ZZZ3: variants seen among roughly 807,000 people sequenced by gnomAD.
ZZZ3 encodes the protein zinc finger ZZ-type containing 3.
A neutral mutation model predicts 95.2 loss-of-function variants in ZZZ3; 22 were observed. That is an observed-to-expected ratio of 0.23 (90% CI 0.17 to 0.33). ZZZ3 has a LOEUF of 0.33. Among genes scored for constraint, ZZZ3 ranks in the 10% least tolerant of loss-of-function variants. The probability of loss-of-function intolerance (pLI) is 1.00; values close to 1 mark genes in which losing one functional copy is unlikely to be tolerated. For missense variants in ZZZ3, 885 were observed against 1,066.5 expected, an observed-to-expected ratio of 0.83 and a Z score of 2.37; for synonymous variants, 335 against 358.9, an observed-to-expected ratio of 0.93 and a Z score of 0.75.
chr1:77,608,928 T>C (rs1233060392), intron 5 of ZZZ3, among the ~76,000 whole-genome samples: 1 of 151,640 alleles, frequency 6.6e-6, no homozygotes, highest in Non-Finnish European at 1.5e-5. Flanking sequence ...AGAAATTAAA[T>C]CACAACACCA....
chr1:77,601,534 G>C (rs964211951), intron 5 of ZZZ3, among the ~76,000 whole-genome samples: 2 of 152,102 alleles, frequency 1.3e-5, no homozygotes, highest in Non-Finnish European at 2.9e-5. Flanking sequence ...AATGCTGATA[G>C]GAACAGGGCC....
At chr1:77,642,960 T>A (rs1019091750) in intron 1 of ZZZ3, among the ~76,000 whole-genome samples, 1 of 151,972 alleles carries the variant, frequency 6.6e-6, no homozygotes, top group African/African-American at 2.4e-5. Flanking sequence ...CATAAAAAAA[T>A]TAACACTTTG....
chr1:77,571,832 A>G (rs915357082), intron 12 of ZZZ3, among the ~76,000 whole-genome samples: 1 of 152,214 alleles, frequency 6.6e-6, no homozygotes, highest in Non-Finnish European at 1.5e-5. Context: ...ATGTAAGCTG[A>G]GAGCTCTGGA....
intron 1 of ZZZ3, among the ~76,000 whole-genome samples, chr1:77,666,290 A>G (rs1671245694): frequency 6.6e-6 from 1 of 152,204 alleles, no homozygotes; most frequent in Non-Finnish European, 1.5e-5. Context: ...GCACTTTGGG[A>G]GGCCAAGGCA....
At chr1:77,674,622 T>C (rs1672089680) in intron 1 of ZZZ3, among the ~76,000 whole-genome samples, 1 of 152,014 alleles carries the variant, frequency 6.6e-6, no homozygotes, top group South Asian at 2.1e-4. Context: ...TTATCTTTAT[T>C]TAAAAAGAAG....
At chr1:77,675,541 A>G (rs1672179287) in intron 1 of ZZZ3, among the ~76,000 whole-genome samples, 1 of 152,180 alleles carries the variant, frequency 6.6e-6, no homozygotes, top group South Asian at 2.1e-4. Context: ...AGGAAATTAC[A>G]TCACATCGAA....
At position 77,631,992 on chromosome 1, in the gene ZZZ3, G is replaced by A; in HGVS notation, c.1363C>T (p.Pro455Ser). The change falls in exon 5 of 15, where the codon CCA (proline) becomes TCA (serine). Residue 455 changes from proline (P) to serine (S), a missense_variant. By Grantham distance (74) the Pro-to-Ser change is moderately conservative. Around this residue, in one of 5 missense-constraint regions of ZZZ3, gnomAD observed 556 missense variants for 652.9 expected, o/e 0.85. Coordinates refer to ENST00000370801, the MANE Select transcript of ZZZ3 (RefSeq NM_015534.6). ...QNNGSEGVSK[P>S]PSEARLNIGH... ...ATATTGAGTCTTGCCTCTGAGGGTG[G>A]TTTACTTACTCCTTCACTTCCATTA... The A allele has an allele frequency of 6.2e-7, 1 of 1,614,030 alleles. No homozygotes were observed. The highest frequency in any genetic ancestry group is 8.5e-7 in the Non-Finnish European group (1 of 1,179,970).
chr1:77,651,814 G>A (rs144887159), intron 1 of ZZZ3, among the ~76,000 whole-genome samples: 1 of 152,192 alleles, frequency 6.6e-6, no homozygotes, highest in East Asian at 1.9e-4. Context: ...TCAGGAGACA[G>A]AGAACATCTT....
At chr1:77,622,951 G>A (rs2100798442) in intron 5 of ZZZ3, among the ~76,000 whole-genome samples, 1 of 152,242 alleles carries the variant, frequency 6.6e-6, no homozygotes, top group South Asian at 2.1e-4. Context: ...AGTATTATAG[G>A]AAGAAAACAT....
intron 1 of ZZZ3, among the ~76,000 whole-genome samples, chr1:77,674,883 C>A (rs1257798318): frequency 6.9e-6 from 1 of 144,818 alleles, no homozygotes; most frequent in Non-Finnish European, 1.5e-5. Flanking sequence ...ACCCAGGAGG[C>A]AGAGGTTGCA....
chr1:77,595,034 A>T (rs1664093119), intron 5 of ZZZ3, among the ~76,000 whole-genome samples: 1 of 151,928 alleles, frequency 6.6e-6, no homozygotes, highest in Non-Finnish European at 1.5e-5. Flanking sequence ...ATTATCTTGA[A>T]CTTGCATCAA....
rs1660497348 is a variant in ZZZ3, at chr1:77,562,487, A to G, written c.*3153T>C. 1 of 152,210 alleles carries G rather than the reference A, an allele frequency of 6.6e-6. No homozygotes were observed. The highest frequency in any genetic ancestry group is 1.5e-5 in the Non-Finnish European group (1 of 68,036). 9.4% of individuals were successfully genotyped at this position (152,210 alleles called of 1,614,324 possible). On this transcript the variant is annotated 3_prime_UTR_variant, in exon 15 of 15. Coordinates refer to ENST00000370801, the MANE Select transcript of ZZZ3 (RefSeq NM_015534.6). ...ATTGAAAAAGACATTTCACAAAACA[A>G]TATTTATCTTTATTACATGTGATGT...
At chr1:77,647,540 T>A in intron 1 of ZZZ3, among the ~76,000 whole-genome samples, 2 of 149,546 alleles carry the variant, frequency 1.3e-5, no homozygotes, top group Non-Finnish European at 3.0e-5. Flanking sequence ...AAAAAAAAAA[T>A]ACCCAATAGA....
intron 1 of ZZZ3, among the ~76,000 whole-genome samples, chr1:77,643,805 A>G (rs1008202026): frequency 6.6e-6 from 1 of 152,216 alleles, no homozygotes; most frequent in African/African-American, 2.4e-5. Context: ...CTATTAAAAT[A>G]AAACAATGAA....
chr1:77,646,223 GTTT>G (rs554799403), intron 1 of ZZZ3, among the ~76,000 whole-genome samples: 4 of 149,836 alleles, frequency 2.7e-5, no homozygotes, highest in Non-Finnish European at 5.9e-5. Flanking sequence ...TTTGTTTTTT[GTTT>G]TTTTTTCTTT....
At chr1:77,626,565 T>C (rs904368490) in intron 5 of ZZZ3, among the ~76,000 whole-genome samples, 1 of 152,152 alleles carries the variant, frequency 6.6e-6, no homozygotes, top group Admixed American at 6.6e-5. Context: ...AATTTCACTG[T>C]TGATCTGACA....
intron 1 of ZZZ3, among the ~76,000 whole-genome samples, chr1:77,666,553 A>G (rs1671267214): frequency 6.6e-6 from 1 of 152,126 alleles, no homozygotes. Flanking sequence ...ATAATAATAT[A>G]AATACTTATA....
In ZZZ3 at chr1:77,678,753, A is replaced by T. The variant is rs532781930; in HGVS notation, c.-403+3832T>A. Among the ~76,000 whole-genome samples, 123 of 152,290 alleles carry T rather than the reference A, an allele frequency of 8.1e-4. 3 individuals are homozygous for T. The South Asian group carries it at 0.024, about 30-fold the overall frequency. On this transcript the variant is annotated intron_variant, in intron 1 of 14. Coordinates refer to ENST00000370801, the MANE Select transcript of ZZZ3 (RefSeq NM_015534.6). ...AGATTTTTATCTGTGGACTAATTCC[A>T]ATTAGTAGTTTCCTAATAAAGGCTA...
chr1:77,606,828 T>C (rs1049093090), intron 5 of ZZZ3, among the ~76,000 whole-genome samples: 2 of 152,156 alleles, frequency 1.3e-5, no homozygotes, highest in East Asian at 1.9e-4. Context: ...TCCTTTCAAA[T>C]ACCTGGAAAG....
Sources: allele counts gnomAD v4.1 joint callset (sites outside exome capture counted in the v4.1 genomes callset), GRCh38; gene constraint gnomAD v4.1.1; regional missense constraint gnomAD v4.1.1; transcripts MANE v1.5; gene names NCBI Gene and HGNC (gene_info 2026-07-23, HGNC 2026-07-21).